The following DDAH1 variants were observed in gnomAD, a reference collection of about 807,000 sequenced individuals.
DDAH1 encodes N(G),N(G)-dimethylarginine dimethylaminohydrolase 1.
A neutral mutation model predicts 28.8 loss-of-function variants in DDAH1; 19 were observed. That is an observed-to-expected ratio of 0.66 (90% CI 0.46 to 0.97). DDAH1 has a LOEUF of 0.97. DDAH1 is among the 50% of genes least tolerant of loss of function. The pLI is 0.00. For synonymous variants in DDAH1, 153 were observed against 154.4 expected, an observed-to-expected ratio of 0.99 and a Z score of 0.07; for missense variants, 326 against 375.9, an observed-to-expected ratio of 0.87 and a Z score of 1.10.
At chr1:85,502,776 G>C (rs954165337) in intron 1 of DDAH1, among the ~76,000 whole-genome samples, 1 of 152,158 alleles carries the variant, frequency 6.6e-6, no homozygotes. Context: ...GTCCTCTTTT[G>C]CTGCTTCTCT....
At chr1:85,330,293 A>G (rs1214646647) in intron 4 of DDAH1, among the ~76,000 whole-genome samples, 2 of 152,224 alleles carry the variant, frequency 1.3e-5, no homozygotes, top group Non-Finnish European at 2.9e-5. Context: ...AGCAACAGTG[A>G]GGCCAAGGAA....
chr1:85,321,352 C>T lies in DDAH1; in HGVS notation c.*100G>A. On this transcript the variant is annotated 3_prime_UTR_variant, in exon 6 of 6. Coordinates refer to ENST00000284031, the MANE Select transcript of DDAH1 (RefSeq NM_012137.4). ...ATTTTGTAAACAAGAGTTAGTAGCA[C>T]AGTGGCACAGTAGATTGTCAAGGAA... is the stretch of plus-strand genomic sequence containing the variant. The T allele has an allele frequency of 1.3e-6, 1 of 771,762 alleles. No homozygotes were observed. Among genetic ancestry groups the T allele is most frequent in the South Asian group, 1.6e-5 (1 of 63,102 alleles). The allele number at this position is 771,762 out of a possible 1,614,324, so 47.8% of individuals were successfully genotyped here.
rs141849238 is a variant in DDAH1, at chr1:85,476,808, T to G, written c.-7+19358A>C. 5.6e-3 allele frequency among the ~76,000 whole-genome samples: 855 copies of G among 152,308 alleles called. 7 individuals carry two copies. The highest frequency in any genetic ancestry group is 0.019 in the African/African-American group (790 of 41,568). On this transcript the variant is annotated intron_variant, in intron 2 of 6. Transcript: ENST00000426972. ...TTCTGTTATTCTTCCAAGATAGTAT[T>G]TCAATAATATTTTCAGAAAAATTTC...
intron 1 of DDAH1, among the ~76,000 whole-genome samples, chr1:85,445,224 C>G (rs1371225044): frequency 3.9e-5 from 6 of 152,132 alleles, no homozygotes; most frequent in Non-Finnish European, 5.9e-5. Context: ...ACTTTGTATC[C>G]TTCAATCCAA....
intron 4 of DDAH1, among the ~76,000 whole-genome samples, chr1:85,333,977 ATAT>A (rs1229767821): frequency 6.6e-6 from 1 of 152,200 alleles, no homozygotes; most frequent in Non-Finnish European, 1.5e-5. Context: ...TTTCCCCAGC[ATAT>A]TATAATCAAA....
intron 1 of DDAH1, among the ~76,000 whole-genome samples, chr1:85,441,815 G>T (rs1329655787): frequency 6.6e-6 from 1 of 152,190 alleles, no homozygotes; most frequent in Non-Finnish European, 1.5e-5. Context: ...TTCAGCAGAA[G>T]AAAGATCTGT....
chr1:85,483,743 C>A (rs1656094414), intron 2 of DDAH1, among the ~76,000 whole-genome samples: 1 of 152,156 alleles, frequency 6.6e-6, no homozygotes, highest in Non-Finnish European at 1.5e-5. Context: ...GACCACGGAT[C>A]GCGGACCTGT....
rs547422668 is a variant in DDAH1 at position 85,548,415 on chromosome 1, C to T, written c.-123+29569G>A. ...GACTCCAAAGCTTGTACTATAATTA[C>T]CCAGCATTAGGTCACTTTTTAATTA... On this transcript the variant is annotated intron_variant, in intron 1 of 6. Transcript: ENST00000426972. 2.6e-5 allele frequency among the ~76,000 whole-genome samples: 4 copies of T among 152,246 alleles called. No homozygotes were observed. In the East Asian group the frequency reaches 5.8e-4, roughly 22 times the overall value.
chr1:85,439,690 A>T (rs913110988), intron 1 of DDAH1, among the ~76,000 whole-genome samples: 1 of 152,220 alleles, frequency 6.6e-6, no homozygotes, highest in South Asian at 2.1e-4. Flanking sequence ...TTCAGCTAAC[A>T]CTTATTGTGT....
chr1:85,558,779 C>T (rs948082134), intron 1 of DDAH1, among the ~76,000 whole-genome samples: 2 of 151,972 alleles, frequency 1.3e-5, no homozygotes, highest in African/African-American at 2.4e-5. Context: ...GAGATAAATG[C>T]TATTACCAAA....
intron 1 of DDAH1, among the ~76,000 whole-genome samples, chr1:85,552,800 T>C (rs1453193006): frequency 6.6e-6 from 1 of 152,088 alleles, no homozygotes; most frequent in East Asian, 1.9e-4. Context: ...TAAAACAAGG[T>C]TGAAGGCCAA....
At position 85,464,774 on chromosome 1, in the gene DDAH1, G is replaced by C; in HGVS notation, c.272C>G (p.Thr91Ser). ...AVVCEETALI[T>S]RPGAPSRRKE... ...CCTCCGGCTCGGCGCCCCGGGTCGG[G>C]TGATGAGGGCCGTCTCCTCGCACAC... The change falls in exon 1 of 6, where the codon ACC becomes AGC. Residue 91 changes from threonine (T) to serine (S), a missense_variant. By Grantham distance (58) the Thr-to-Ser change is moderately conservative (BLOSUM62 1). Transcript: ENST00000284031. This position sits in a 1 kb window ranked among gnomAD's most constrained non-coding sequence, Gnocchi z 4.4. 1.3e-6 allele frequency: 2 copies of C among 1,569,618 alleles called. No homozygotes were observed. Among genetic ancestry groups the C allele is most frequent in the East Asian group, 2.4e-5 (1 of 42,086 alleles).
intron 1 of DDAH1, among the ~76,000 whole-genome samples, chr1:85,422,582 T>C (rs541980075): frequency 6.6e-6 from 1 of 152,192 alleles, no homozygotes; most frequent in Non-Finnish European, 1.5e-5. Flanking sequence ...ATGAAAGGTA[T>C]AAGGTCTGTG....
At chr1:85,417,412 T>A (rs538420102) in intron 1 of DDAH1, among the ~76,000 whole-genome samples, 81 of 152,150 alleles carry the variant, frequency 5.3e-4, no homozygotes, top group Non-Finnish European at 1.1e-3. Flanking sequence ...ATCCCTTCCA[T>A]CATGCCAGTC....
At chr1:85,536,381 C>T (rs1425762811) in intron 1 of DDAH1, among the ~76,000 whole-genome samples, 5 of 150,930 alleles carry the variant, frequency 3.3e-5, no homozygotes, top group Non-Finnish European at 3.0e-5. Flanking sequence ...GGTGAAACCC[C>T]GTCTCTACTA....
intron 1 of DDAH1, among the ~76,000 whole-genome samples, chr1:85,500,820 A>AT (rs140051858): frequency 0.16 from 23,667 of 145,146 alleles, 2,401 homozygotes; most frequent in East Asian, 0.22. Flanking sequence ...CAATGTCACT[A>AT]TTTTTTTTTC....
chr1:85,434,952 A>G (rs946320791), intron 1 of DDAH1, among the ~76,000 whole-genome samples: 1 of 152,116 alleles, frequency 6.6e-6, no homozygotes, highest in Admixed American at 6.5e-5. Context: ...ACAGTATATA[A>G]TAAGTAATGA....
intron 1 of DDAH1, among the ~76,000 whole-genome samples, chr1:85,439,063 T>C (rs1654074534): frequency 6.6e-6 from 1 of 152,210 alleles, no homozygotes; most frequent in Admixed American, 6.5e-5. Flanking sequence ...ATCAAATTCA[T>C]AGAGTTGTAA....
chr1:85,486,777 A>G (rs1656219752), intron 2 of DDAH1, among the ~76,000 whole-genome samples: 1 of 152,202 alleles, frequency 6.6e-6, no homozygotes, highest in Non-Finnish European at 1.5e-5. Flanking sequence ...AGGGTAGTCC[A>G]GGCAATGAAA....
Sources: allele counts gnomAD v4.1 joint callset (sites outside exome capture counted in the v4.1 genomes callset), GRCh38; gene constraint gnomAD v4.1.1; non-coding constraint Gnocchi (gnomAD v3.1); transcripts MANE v1.5; gene names NCBI Gene and HGNC (gene_info 2026-07-23, HGNC 2026-07-21).